MYO18B: variants seen among roughly 807,000 people sequenced by gnomAD.
MYO18B encodes myosin XVIIIB.
Under a neutral mutation model 273.0 loss-of-function variants are expected in MYO18B, and 204 were observed. That is an observed-to-expected ratio of 0.75 (90% CI 0.67 to 0.84). MYO18B has a LOEUF of 0.84. Ranked by LOEUF, MYO18B falls within the 40% of genes least tolerant of loss-of-function variation. MYO18B has a pLI of 0.00. For synonymous variants in MYO18B, 1,330 were observed against 1,305.7 expected, an observed-to-expected ratio of 1.02 and a Z score of -0.40; for missense variants, 3,212 against 3,287.6, an observed-to-expected ratio of 0.98 and a Z score of 0.56.
intron 34 of MYO18B, among the ~76,000 whole-genome samples, chr22:25,938,580 G>T (rs143569021): frequency 2.0e-5 from 3 of 152,318 alleles, no homozygotes; most frequent in East Asian, 3.9e-4. Context: ...GCTGTTGTGG[G>T]CTATAGTGAT....
At chr22:25,957,251 C>T (rs2092864113) in intron 39 of MYO18B, among the ~76,000 whole-genome samples, 3 of 152,182 alleles carry the variant, frequency 2.0e-5, no homozygotes, top group African/African-American at 7.2e-5. Flanking sequence ...TGTCCCTTGA[C>T]CTCTTTTTCT....
In MYO18B at chr22:25,791,355, C is replaced by T; in HGVS notation, c.2376+5864C>T. Among the ~76,000 whole-genome samples, 2 of 152,176 alleles carry T rather than the reference C, an allele frequency of 1.3e-5. 1 individual carries two copies. Among genetic ancestry groups the T allele is most frequent in the Non-Finnish European group, 2.9e-5 (2 of 68,026 alleles). The stretch of plus-strand genomic sequence containing the variant: ...GCAAAGGTAAACATGAATGGCCAGC[C>T]AAAGCAAGGACCCCAGGGTAAAAGT... On this transcript the variant is annotated intron_variant, in intron 11 of 43. Transcript: ENST00000335473.
intron 40 of MYO18B, among the ~76,000 whole-genome samples, chr22:25,995,361 T>C (rs1933122779): frequency 6.6e-6 from 1 of 152,232 alleles, no homozygotes; most frequent in South Asian, 2.1e-4. Flanking sequence ...TGGTCAATGA[T>C]AATTTCATTG....
rs1455485544 is a variant in MYO18B at position 25,879,872 on chromosome 22, A to G, written c.4314+1824A>G. On this transcript the variant is annotated intron_variant, in intron 25 of 43. Transcript: ENST00000335473. ...ATCCTACATGGCTGGAGCAGGAGGA[A>G]GAGTGAGAAGGGGGAGGTGCTATAC... is the stretch of plus-strand genomic sequence containing the variant. Among the ~76,000 whole-genome samples the G allele has an allele frequency of 2.0e-5, 3 of 152,186 alleles. No individual in the cohort carries two copies. In the East Asian group the frequency reaches 5.8e-4, roughly 29 times the overall value.
At chr22:25,894,060 G>C (rs1265462951) in intron 27 of MYO18B, among the ~76,000 whole-genome samples, 1 of 152,182 alleles carries the variant, frequency 6.6e-6, no homozygotes, top group African/African-American at 2.4e-5. Flanking sequence ...AAGTTATTGA[G>C]CATTTACTAT....
At position 26,026,987 on chromosome 22, in the gene MYO18B, C is replaced by A. The variant is rs887853232; in HGVS notation, c.7013C>A (p.Thr2338Asn). 1 of 1,613,944 alleles carries A rather than the reference C, an allele frequency of 6.2e-7. No homozygotes were observed. Among genetic ancestry groups the A allele is most frequent in the Non-Finnish European group, 8.5e-7 (1 of 1,179,886 alleles). ...CISSDGVGGTTLLPEKSKTQF... is the reference protein window; with the variant it reads ...CISSDGVGGTNLLPEKSKTQF... ...TCTTCAGACGGTGTTGGGGGCACAACCCTACTCCCCGAAAAGTCGAAAACC... is the reference window on the plus strand; with the variant it reads ...TCTTCAGACGGTGTTGGGGGCACAAACCTACTCCCCGAAAAGTCGAAAACC... Residue 2338 changes from threonine to asparagine, a missense_variant, in exon 43 of 44, where the codon ACC (threonine) becomes AAC (asparagine). By Grantham distance (65) the Thr-to-Asn change is moderately conservative (BLOSUM62 0). Coordinates refer to ENST00000335473, the MANE Select transcript of MYO18B (RefSeq NM_032608.7).
chr22:25,904,347 C>G (rs958309501), intron 31 of MYO18B, among the ~76,000 whole-genome samples: 2 of 152,276 alleles, frequency 1.3e-5, no homozygotes, highest in Non-Finnish European at 2.9e-5. Flanking sequence ...ATACTAACCT[C>G]AGCCCTAAGC....
At chr22:25,779,318 A>G (rs542947531) in intron 8 of MYO18B, among the ~76,000 whole-genome samples, 3 of 152,222 alleles carry the variant, frequency 2.0e-5, no homozygotes, top group South Asian at 2.1e-4. Context: ...TGACAGCCAC[A>G]TGAGGACTAG....
In MYO18B at chr22:25,869,351, G is replaced by A. The variant is rs897121136; in HGVS notation, c.3951+966G>A. Among the ~76,000 whole-genome samples, 26 of 151,140 alleles carry A rather than the reference G, an allele frequency of 1.7e-4. No individual in the cohort carries two copies. In the South Asian group the frequency reaches 4.8e-3, roughly 28 times the overall value. ...TGTAATCCCAGCTACTTGGGAGGCC[G>A]AGGCAGGAGAATCGCTTGAACCCGG... On this transcript the variant is annotated intron_variant, in intron 22 of 43. Coordinates refer to ENST00000335473, the MANE Select transcript of MYO18B (RefSeq NM_032608.7).
intron 17 of MYO18B, among the ~76,000 whole-genome samples, chr22:25,837,065 T>C (rs1441041054): frequency 2.0e-5 from 3 of 152,030 alleles, no homozygotes; most frequent in Non-Finnish European, 4.4e-5. Flanking sequence ...GGCCAGGATA[T>C]GTGCTCGCAT....
chr22:26,038,853 C>G, the MYO18B span, among the ~76,000 whole-genome samples: 676 of 152,266 alleles, frequency 4.4e-3, 7 homozygotes, highest in Admixed American at 0.011. Context: ...GGCATATGAG[C>G]ATTTAAAACT....
At chr22:26,046,845 T>C in the MYO18B span, among the ~76,000 whole-genome samples, 1 of 152,166 alleles carries the variant, frequency 6.6e-6, no homozygotes, top group Non-Finnish European at 1.5e-5. Context: ...TAAAATAATA[T>C]TATTTCCCAC....
chr22:25,841,498 G>A (rs934582489), intron 17 of MYO18B, among the ~76,000 whole-genome samples: 2 of 152,202 alleles, frequency 1.3e-5, no homozygotes, highest in Non-Finnish European at 2.9e-5. Context: ...ATCCTGGACA[G>A]AGGCAGGCTT....
intron 39 of MYO18B, among the ~76,000 whole-genome samples, chr22:25,986,582 T>A (rs1041959476): frequency 6.6e-6 from 1 of 152,258 alleles, no homozygotes; most frequent in African/African-American, 2.4e-5. Context: ...CTAAATATAT[T>A]CACTTATTTA....
At chr22:25,906,142 G>GC (rs1463956439) in intron 31 of MYO18B, among the ~76,000 whole-genome samples, 1 of 152,042 alleles carries the variant, frequency 6.6e-6, no homozygotes, top group African/African-American at 2.4e-5. Flanking sequence ...ATAACCTCAG[G>GC]CTGCATTGTG....
At chr22:25,986,495 G>C (rs1361866843) in intron 39 of MYO18B, among the ~76,000 whole-genome samples, 1 of 152,110 alleles carries the variant, frequency 6.6e-6, no homozygotes, top group Non-Finnish European at 1.5e-5. Context: ...ACTTGACTCT[G>C]AGGGTTTCAA....
chr22:25,756,621 G>A (rs2146565736), intron 1 of MYO18B: 1 of 152,358 alleles, frequency 6.6e-6, no homozygotes, highest in Middle Eastern at 3.4e-3. Context: ...TGAATAGTGG[G>A]GGCTTCAGCA....
At chr22:25,780,016 G>C (rs1386658304) in intron 8 of MYO18B, 40 bp from the exon 9 acceptor site, 3 of 1,530,294 alleles carry the variant, frequency 2.0e-6, no homozygotes, top group African/African-American at 2.7e-5. Flanking sequence ...GGCAGCACCT[G>C]GGCCATCAGT....
the MYO18B span, among the ~76,000 whole-genome samples, chr22:26,048,660 T>C: frequency 6.6e-6 from 1 of 152,272 alleles, no homozygotes; most frequent in Admixed American, 6.5e-5. Flanking sequence ...ACATAATTGA[T>C]GCTCAAGGAG....
Sources: gnomAD v4.1 joint callset for allele counts (sites outside exome capture counted in the v4.1 genomes callset) on GRCh38, gnomAD v4.1.1 for gene constraint, MANE v1.5 for transcripts, NCBI Gene and HGNC (gene_info 2026-07-23, HGNC 2026-07-21) for gene names.